Variants in GABRG3 observed in about 807,000 individuals in gnomAD.
GABRG3 encodes the protein gamma-aminobutyric acid type A receptor subunit gamma3.
GABRG3 carries 25 observed loss-of-function variants against 48.8 expected under a neutral mutation model. The ratio of observed to expected loss-of-function variants is 0.51; its 90% CI spans 0.37 to 0.72. The LOEUF is 0.72. Ranked by LOEUF, GABRG3 falls within the 30% of genes least tolerant of loss-of-function variation. The probability of loss-of-function intolerance (pLI) is 0.00; values close to 1 mark genes in which losing one functional copy is unlikely to be tolerated. For missense variants in GABRG3, 394 were observed against 577.9 expected (o/e 0.68, Z 3.26); for synonymous variants, 227 against 217.6 (o/e 1.04, Z -0.38).
At chr15:27,372,351 A>G (rs1011284663) in intron 5 of GABRG3, among the ~76,000 whole-genome samples, 5 of 152,194 alleles carry the variant, frequency 3.3e-5, no homozygotes, top group Admixed American at 6.5e-5. Flanking sequence ...TTACAGCCAT[A>G]GAACACTTTG....
At chr15:27,383,689 T>A (rs113718754) in intron 5 of GABRG3, among the ~76,000 whole-genome samples, 2 of 151,402 alleles carry the variant, frequency 1.3e-5, no homozygotes, top group Admixed American at 6.6e-5. Context: ...AAAAAAAAAA[T>A]GACTTTTGCC....
At chr15:27,509,240 CT>C (rs1207353270) in intron 6 of GABRG3, among the ~76,000 whole-genome samples, 3 of 152,056 alleles carry the variant, frequency 2.0e-5, no homozygotes, top group East Asian at 1.9e-4. Context: ...AAAAATGTAT[CT>C]TTTTTTCCCT....
chr15:27,261,784 C>A (rs1233320251), intron 3 of GABRG3, among the ~76,000 whole-genome samples: 1 of 151,924 alleles, frequency 6.6e-6, no homozygotes, highest in Non-Finnish European at 1.5e-5. Flanking sequence ...TTATTTCAAC[C>A]CAAACAAAGG....
At chr15:27,096,251 G>A in intron 3 of GABRG3, among the ~76,000 whole-genome samples, 1 of 152,216 alleles carries the variant, frequency 6.6e-6, no homozygotes, top group East Asian at 1.9e-4. Context: ...TCCAGGCTCA[G>A]CGCTGCTGAG....
intron 3 of GABRG3, among the ~76,000 whole-genome samples, chr15:27,081,400 T>C (rs923281890): frequency 3.9e-5 from 6 of 152,134 alleles, no homozygotes; most frequent in Non-Finnish European, 8.8e-5. Context: ...CCTTAACTAT[T>C]GTACTTTTAT....
intron 3 of GABRG3, among the ~76,000 whole-genome samples, chr15:27,028,822 A>G (rs1483761003): frequency 1.3e-5 from 2 of 151,738 alleles, no homozygotes; most frequent in East Asian, 3.9e-4. Context: ...AAAAAAAAAA[A>G]AAAATCCAGT....
At chr15:27,391,405 T>C (rs1171785967) in intron 5 of GABRG3, among the ~76,000 whole-genome samples, 6 of 152,156 alleles carry the variant, frequency 3.9e-5, no homozygotes, top group Admixed American at 3.9e-4. Flanking sequence ...GAAGTGGTAA[T>C]GTAGAACTAC....
In GABRG3 at chr15:26,975,722, A is replaced by G. The variant is rs1894929782; in HGVS notation, c.54-1280A>G. On this transcript the variant is annotated intron_variant, in intron 1 of 9. Coordinates refer to ENST00000615808, the MANE Select transcript of GABRG3 (RefSeq NM_033223.5). The surrounding 1 kb of genome is among the most constrained non-coding windows in gnomAD (Gnocchi z 4.6). ...ACAATTCTCAAAATTAAGTTCCAGA[A>G]ACTTATATCCCAGAGCACAAGTGTC... 6.6e-6 allele frequency among the ~76,000 whole-genome samples: 1 copy of G among 152,218 alleles called. No homozygotes were observed. The highest frequency in any genetic ancestry group is 1.5e-5 in the Non-Finnish European group (1 of 68,034).
chr15:27,539,648 C>T lies in GABRG3; in HGVS notation c.*6767C>T, dbSNP rs1356025374. On this transcript the variant is annotated 3_prime_UTR_variant, in exon 10 of 10. Transcript: ENST00000615808. ...TGTCAATTTCATCCATGAGTGAAGA[C>T]CCCCCACTGCACAGAGCAGCACTTC... 2 of 152,106 alleles carry T rather than the reference C, an allele frequency of 1.3e-5. No homozygotes were observed. Among genetic ancestry groups the T allele is most frequent in the African/African-American group, 2.4e-5 (1 of 41,478 alleles). The allele number at this position is 152,106 out of a possible 1,614,324, so 9.4% of individuals were successfully genotyped here. A position where few individuals can be genotyped will look rare whatever the true frequency, so the allele number is the denominator to read the frequency against.
In GABRG3 at chr15:27,535,502, A is replaced by C. The variant is rs545879283; in HGVS notation, c.*2621A>C. ...GCAGCCCTCCTGATCAAAACAGATG[A>C]GTTCAGCGCTCCTTTTCTAGGAAGG... On this transcript the variant is annotated 3_prime_UTR_variant, in exon 10 of 10. Coordinates refer to ENST00000615808, the MANE Select transcript of GABRG3 (RefSeq NM_033223.5). The C allele has an allele frequency of 6.6e-6, 1 of 152,326 alleles. No individual in the cohort carries two copies. Among genetic ancestry groups the C allele is most frequent in the African/African-American group, 2.4e-5 (1 of 41,574 alleles). 9.4% of individuals were successfully genotyped at this position (152,326 alleles called of 1,614,324 possible).
chr15:27,082,792 G>T (rs144874806), intron 3 of GABRG3, among the ~76,000 whole-genome samples: 1 of 152,198 alleles, frequency 6.6e-6, no homozygotes, highest in Non-Finnish European at 1.5e-5. Flanking sequence ...ACCCTGGCTT[G>T]GTGAATGAAG....
chr15:27,128,768 A>G (rs533457710), intron 3 of GABRG3, among the ~76,000 whole-genome samples: 41 of 152,294 alleles, frequency 2.7e-4, no homozygotes, highest in African/African-American at 7.7e-4. Flanking sequence ...ACAAGTGACA[A>G]TTTCTGGGGT....
intron 5 of GABRG3, among the ~76,000 whole-genome samples, chr15:27,378,111 G>GA (rs75439003): frequency 2.1e-3 from 301 of 144,300 alleles, no homozygotes; most frequent in Middle Eastern, 0.011. Context: ...CCTACGGAAA[G>GA]AAAAAAAAAA....
intron 9 of GABRG3, among the ~76,000 whole-genome samples, chr15:27,529,559 C>T (rs1891368086): frequency 6.6e-6 from 1 of 152,152 alleles, no homozygotes; most frequent in Non-Finnish European, 1.5e-5. Flanking sequence ...GCACTTCCAG[C>T]CCATTGTCAG....
intron 2 of GABRG3, among the ~76,000 whole-genome samples, chr15:26,979,431 G>A (rs189670357): frequency 6.6e-6 from 1 of 152,090 alleles, no homozygotes; most frequent in African/African-American, 2.4e-5. Context: ...AGATCTTAGG[G>A]GCAAAGCCTT....
At chr15:27,498,240 G>A (rs1194482473) in intron 6 of GABRG3, among the ~76,000 whole-genome samples, 1 of 151,546 alleles carries the variant, frequency 6.6e-6, no homozygotes, top group Non-Finnish European at 1.5e-5. Context: ...TCTTCCCTCA[G>A]ACTGTGAGAC....
At chr15:27,502,913 G>A (rs1261972679) in intron 6 of GABRG3, among the ~76,000 whole-genome samples, 3 of 152,164 alleles carry the variant, frequency 2.0e-5, no homozygotes, top group South Asian at 2.1e-4. Context: ...GTGAGTTCTC[G>A]TTCCTGTTCC....
At chr15:27,127,545 A>T (rs954504253) in intron 3 of GABRG3, among the ~76,000 whole-genome samples, 5 of 152,070 alleles carry the variant, frequency 3.3e-5, no homozygotes, top group African/African-American at 9.7e-5. Flanking sequence ...TTAGGCAGAA[A>T]GCACAGCTTC....
chr15:27,305,333 T>C (rs1892361664), intron 3 of GABRG3, among the ~76,000 whole-genome samples: 1 of 151,288 alleles, frequency 6.6e-6, no homozygotes, highest in Non-Finnish European at 1.5e-5. Context: ...TGTAAGTTTA[T>C]AGGAAACTAA....
Sources: gnomAD v4.1 joint callset for allele counts (sites outside exome capture counted in the v4.1 genomes callset) on GRCh38, gnomAD v4.1.1 for gene constraint, Gnocchi (gnomAD v3.1) non-coding constraint, MANE v1.5 for transcripts, NCBI Gene and HGNC (gene_info 2026-07-23, HGNC 2026-07-21) for gene names.